NEBL: variants seen among roughly 807,000 people sequenced by gnomAD.
NEBL encodes the protein LIM and SH3 protein 2.
In NEBL, 122 loss-of-function variants were observed where a neutral mutation model predicts 140.2. The observed-to-expected ratio is 0.87, with a 90% confidence interval of 0.75 to 1.01. The LOEUF is 1.01. NEBL is among the 50% of genes least tolerant of loss of function. The pLI, the probability that NEBL is intolerant of heterozygous loss-of-function variation, is 0.00. For missense variants in NEBL, 1,365 were observed against 1,231.3 expected (o/e 1.11, Z -1.62); for synonymous variants, 436 against 398.9 (o/e 1.09, Z -1.11).
Position 20,852,531 on chromosome 10 carries a change from G to T in NEBL, c.1008+14C>A, listed in dbSNP as rs369037243. 6.3e-7 allele frequency: 1 copy of T among 1,591,714 alleles called. No individual in the cohort carries two copies. The highest frequency in any genetic ancestry group is 8.6e-7 in the Non-Finnish European group (1 of 1,161,420). On this transcript the variant is annotated intron_variant, in intron 10 of 27. Transcript: ENST00000377122. ...CTGGCAGGGAGGGTAGGTACCGTAC[G>T]GGCAAGTGTGTACCTGACTTTGGAG...
At chr10:21,091,979 T>C (rs1589225704) in intron 2 of NEBL, among the ~76,000 whole-genome samples, 1 of 152,218 alleles carries the variant, frequency 6.6e-6, no homozygotes, top group East Asian at 1.9e-4. Flanking sequence ...CTATTGATAT[T>C]TTTACCCATA....
At chr10:20,880,737 C>A in intron 5 of NEBL, 57 bp downstream of exon 5, 1 of 1,237,818 alleles carries the variant, frequency 8.1e-7, no homozygotes. Context: ...TAAACATAAG[C>A]CCTAATATGA....
intron 1 of NEBL, among the ~76,000 whole-genome samples, chr10:21,286,023 C>T (rs1200882997): frequency 1.3e-5 from 2 of 152,214 alleles, no homozygotes; most frequent in Non-Finnish European, 2.9e-5. Flanking sequence ...CATCACCGCT[C>T]ATTCTTCCAT....
chr10:21,127,658 T>C (rs900323762), intron 2 of NEBL, among the ~76,000 whole-genome samples: 1 of 151,932 alleles, frequency 6.6e-6, no homozygotes, highest in Non-Finnish European at 1.5e-5. Context: ...AATTAAATGA[T>C]ACTGGAAGGA....
intron 2 of NEBL, among the ~76,000 whole-genome samples, chr10:21,037,274 G>A (rs1834052528): frequency 6.6e-6 from 1 of 151,896 alleles, no homozygotes; most frequent in South Asian, 2.1e-4. Context: ...GGGTGGAGGG[G>A]GTGGGGAGAG....
chr10:20,845,876 G>A (rs1052327987), intron 11 of NEBL, among the ~76,000 whole-genome samples: 8 of 152,112 alleles, frequency 5.3e-5, no homozygotes, highest in African/African-American at 1.7e-4. Flanking sequence ...GGTTAGGGAG[G>A]GGGTTTCCCT....
At chr10:21,116,372 A>G (rs1433556883) in intron 2 of NEBL, among the ~76,000 whole-genome samples, 1 of 151,932 alleles carries the variant, frequency 6.6e-6, no homozygotes, top group Non-Finnish European at 1.5e-5. Context: ...GGTAATCTGT[A>G]TCTCTCTCTT....
intron 2 of NEBL, among the ~76,000 whole-genome samples, chr10:21,037,991 G>A (rs1834086192): frequency 6.6e-6 from 1 of 152,144 alleles, no homozygotes; most frequent in Non-Finnish European, 1.5e-5. Flanking sequence ...ACCCTAGGGA[G>A]ATTTCAGAAT....
intron 4 of NEBL, among the ~76,000 whole-genome samples, chr10:20,906,901 AT>A (rs555164892): frequency 1.1e-3 from 173 of 152,234 alleles, no homozygotes; most frequent in African/African-American, 3.9e-3. Flanking sequence ...AATATCTATG[AT>A]TATCTACTTC....
rs376853655 is a variant in NEBL, at chr10:20,971,765, C to T, written c.250-9986G>A. Among the ~76,000 whole-genome samples the T allele has an allele frequency of 3.8e-4, 58 of 152,102 alleles. No homozygotes were observed. In the East Asian group the frequency reaches 9.7e-3, roughly 25 times the overall value. On this transcript the variant is annotated intron_variant, in intron 3 of 6. Transcript: ENST00000417816. Reference sequence around the variant, plus strand: ...AGTAGCTGGGACTATAGGCGCCCACCACCACACCCAGCTAATTTTTTGTAT... The same window carrying T: ...AGTAGCTGGGACTATAGGCGCCCACTACCACACCCAGCTAATTTTTTGTAT...
chr10:20,936,832 C>T (rs954520287), intron 4 of NEBL, among the ~76,000 whole-genome samples: 1 of 152,198 alleles, frequency 6.6e-6, no homozygotes, highest in African/African-American at 2.4e-5. Flanking sequence ...CATCTCCCAC[C>T]TTATGAATAA....
intron 2 of NEBL, among the ~76,000 whole-genome samples, chr10:21,248,833 T>C (rs1251416675): frequency 2.6e-5 from 4 of 151,866 alleles, no homozygotes; most frequent in Admixed American, 2.6e-4. Flanking sequence ...TTTGTTGTTT[T>C]CTGTTTTGTT....
At chr10:21,198,988 ATTTATT>A (rs912849334) in intron 3 of NEBL, among the ~76,000 whole-genome samples, 14 of 148,406 alleles carry the variant, frequency 9.4e-5, no homozygotes, top group Admixed American at 6.0e-4. Flanking sequence ...TCTACTTTTT[ATTTATT>A]TTTATTTTTA....
Position 20,785,762 on chromosome 10 carries a change from A to G in NEBL, c.3030T>C (p.Ile1010=). Residue 1010 remains isoleucine (I), a synonymous_variant, in exon 28 of 28, where the codon ATT becomes ATC. Transcript: ENST00000377122. Reference sequence around the variant, plus strand: ...GGAGAAATAATTAATTAACAAACTCAATGTAATTCGCTGGGAGCATTCCTG... The same window carrying G: ...GGAGAAATAATTAATTAACAAACTCGATGTAATTCGCTGGGAGCATTCCTG... ...GRTGMLPANY[I]EFVN is the part of the protein sequence containing the mutation. 1 of 1,613,868 alleles carries G rather than the reference A, an allele frequency of 6.2e-7. No homozygotes were observed. The highest frequency in any genetic ancestry group is 8.5e-7 in the Non-Finnish European group (1 of 1,179,916).
At chr10:20,965,062 T>C (rs756952093) in intron 3 of NEBL, among the ~76,000 whole-genome samples, 36 of 152,212 alleles carry the variant, frequency 2.4e-4, no homozygotes, top group Non-Finnish European at 4.8e-4. Flanking sequence ...ATAGTTTAGA[T>C]CAACAGCAGA....
intron 4 of NEBL, among the ~76,000 whole-genome samples, chr10:20,884,670 A>G (rs185946192): frequency 1.9e-3 from 295 of 152,336 alleles, no homozygotes; most frequent in Non-Finnish European, 3.7e-3. Context: ...TGTTAACCCC[A>G]TAGCATAGAC....
chr10:21,051,343 A>G (rs540540734), intron 2 of NEBL, among the ~76,000 whole-genome samples: 69 of 152,234 alleles, frequency 4.5e-4, no homozygotes, highest in Non-Finnish European at 7.5e-4. Flanking sequence ...CAATGTGTAG[A>G]GATGTAATTT....
intron 2 of NEBL, 53 bp downstream of exon 2, chr10:20,896,905 A>C (rs1847546203): frequency 2.1e-6 from 3 of 1,434,362 alleles, no homozygotes; most frequent in Non-Finnish European, 3.0e-6. Flanking sequence ...CTATAACATA[A>C]TAATACCACA....
intron 2 of NEBL, among the ~76,000 whole-genome samples, chr10:21,085,174 C>T (rs149083012): frequency 6.6e-6 from 1 of 152,308 alleles, no homozygotes; most frequent in African/African-American, 2.4e-5. Flanking sequence ...CATTATATTT[C>T]TCACGCTCCA....
Sources: gnomAD v4.1 joint callset for allele counts (sites outside exome capture counted in the v4.1 genomes callset) on GRCh38, gnomAD v4.1.1 for gene constraint, MANE v1.5 for transcripts, NCBI Gene and HGNC (gene_info 2026-07-23, HGNC 2026-07-21) for gene names.